Variants in SASH1 observed in about 807,000 individuals in gnomAD.
SASH1 encodes SAM and SH3 domain-containing protein 1.
Under a neutral mutation model 125.2 loss-of-function variants are expected in SASH1, and 44 were observed. The ratio of observed to expected loss-of-function variants is 0.35; its 90% CI spans 0.28 to 0.45. SASH1 has a LOEUF of 0.45. Ranked by LOEUF, SASH1 falls within the 20% of genes least tolerant of loss-of-function variation. The pLI is 1.00. For synonymous variants in SASH1, 639 were observed against 649.1 expected (o/e 0.98, Z 0.24); for missense variants, 1,426 against 1,614.5 (o/e 0.88, Z 2.00).
chr6:148,499,261 C>T (rs866557856), intron 8 of SASH1, among the ~76,000 whole-genome samples: 7 of 151,922 alleles, frequency 4.6e-5, no homozygotes, highest in East Asian at 1.9e-4. Flanking sequence ...TTCTCTATGC[C>T]GTTCATCTCC....
At chr6:148,478,556 T>A (rs1778471057) in intron 7 of SASH1, 1 of 152,130 alleles carries the variant, frequency 6.6e-6, no homozygotes, top group Non-Finnish European at 1.5e-5. Context: ...TGAGGGGAAG[T>A]ATGGATGGTT....
chr6:148,341,436 G>C (rs909638819), upstream of SASH1, among the ~76,000 whole-genome samples: 7 of 148,502 alleles, frequency 4.7e-5, no homozygotes, highest in Admixed American at 1.4e-4. Context: ...GCCTCCCAAA[G>C]TGCTGGGATT....
At chr6:148,211,540 C>T in the SASH1 span, among the ~76,000 whole-genome samples, 2 of 151,106 alleles carry the variant, frequency 1.3e-5, no homozygotes, top group African/African-American at 4.9e-5. Flanking sequence ...CACTGCACTC[C>T]AGCCTGGGCT....
intron 17 of SASH1, among the ~76,000 whole-genome samples, chr6:148,542,943 G>A (rs970678296): frequency 6.6e-6 from 1 of 152,018 alleles, no homozygotes. Flanking sequence ...CCCATGAATT[G>A]TAAGTTCTTG....
intron 9 of SASH1, among the ~76,000 whole-genome samples, chr6:148,516,156 CT>C (rs1467688599): frequency 4.6e-5 from 7 of 152,224 alleles, no homozygotes; most frequent in Non-Finnish European, 1.0e-4. Context: ...TGGCTCTGAA[CT>C]TTAATTTATC....
chr6:148,359,803 G>A (rs941312166), intron 1 of SASH1, among the ~76,000 whole-genome samples: 1 of 152,018 alleles, frequency 6.6e-6, no homozygotes, highest in African/African-American at 2.4e-5. Flanking sequence ...CTGTTGCCAG[G>A]GCTGGAGTAC....
chr6:148,494,120 G>A (rs937084268), intron 8 of SASH1, among the ~76,000 whole-genome samples: 1 of 152,096 alleles, frequency 6.6e-6, no homozygotes, highest in African/African-American at 2.4e-5. Flanking sequence ...GAAAGCTGGT[G>A]GGTAAGAGTT....
chr6:148,511,364 C>T (rs9498054), intron 8 of SASH1, among the ~76,000 whole-genome samples: 2,001 of 150,242 alleles, frequency 0.013, 43 homozygotes, highest in African/African-American at 0.047. Context: ...CACACACACA[C>T]ACACACACAC....
chr6:148,507,562 GT>G (rs560349107), intron 8 of SASH1, among the ~76,000 whole-genome samples: 2 of 152,224 alleles, frequency 1.3e-5, no homozygotes, highest in African/African-American at 4.8e-5. Flanking sequence ...GTAGAGACGG[GT>G]TTTCACCATG....
the SASH1 span, among the ~76,000 whole-genome samples, chr6:148,231,178 T>G: frequency 6.6e-6 from 1 of 152,230 alleles, no homozygotes; most frequent in African/African-American, 2.4e-5. Context: ...AGCGCTCAAC[T>G]TTATTCTTTT....
At chr6:148,478,571 G>T (rs1420916706) in intron 7 of SASH1, 1 of 152,158 alleles carries the variant, frequency 6.6e-6, no homozygotes, top group Non-Finnish European at 1.5e-5. Flanking sequence ...ATGGTTAATG[G>T]GTACGAAAGT....
At chr6:148,447,679 CTCT>C (rs57095236) in intron 4 of SASH1, among the ~76,000 whole-genome samples, 24,784 of 134,402 alleles carry the variant, frequency 0.18, 2,290 homozygotes, top group East Asian at 0.37. Context: ...GTTCTTCCTC[CTCT>C]TCTTCTTCCT....
chr6:148,520,094 C>G (rs1369961108), intron 10 of SASH1: 2 of 567,392 alleles, frequency 3.5e-6, no homozygotes, highest in Non-Finnish European at 6.3e-6. Flanking sequence ...TGCAGCTGCT[C>G]CGGCAGAAAG....
At chr6:148,390,294 G>C in intron 2 of SASH1, 32 bp downstream of exon 2, 1 of 1,600,658 alleles carries the variant, frequency 6.2e-7, no homozygotes, top group Non-Finnish European at 8.5e-7. Context: ...ATGCTTCTGT[G>C]AGCAGAGCTG....
At chr6:148,195,064 C>G in the SASH1 span, among the ~76,000 whole-genome samples, 2 of 152,146 alleles carry the variant, frequency 1.3e-5, no homozygotes, top group Non-Finnish European at 2.9e-5. Flanking sequence ...ATTTTTAGAT[C>G]AATATTCAAA....
intron 7 of SASH1, among the ~76,000 whole-genome samples, chr6:148,484,011 T>TA (rs1297161551): frequency 6.6e-6 from 1 of 152,214 alleles, no homozygotes; most frequent in Non-Finnish European, 1.5e-5. Context: ...TGAGGGTTGT[T>TA]AAAGAGTACA....
Position 148,514,185 on chromosome 6 carries a change from G to C in SASH1, c.730-139G>C, listed in dbSNP as rs996061348. 3 of 1,456,622 alleles carry C rather than the reference G, an allele frequency of 2.1e-6. No homozygotes were observed. The African/African-American group carries it at 4.4e-5, about 21-fold the overall frequency. The allele number at this position is 1,456,622 out of a possible 1,614,324, so 90.2% of individuals were successfully genotyped here. ...GTATGTGGCACTTTGTAAACCTCTT[G>C]GGCAAATTTTTGTTGGTTCCCAAGT... On this transcript the variant is annotated intron_variant, in intron 8 of 19. Coordinates refer to ENST00000367467, the MANE Select transcript of SASH1 (RefSeq NM_015278.5).
intron 2 of SASH1, among the ~76,000 whole-genome samples, chr6:148,407,649 T>C (rs1784429306): frequency 6.6e-6 from 1 of 152,206 alleles, no homozygotes; most frequent in Non-Finnish European, 1.5e-5. Context: ...TGTTTTTGTT[T>C]TGAGATGGAG....
At chr6:148,266,300 T>C in the SASH1 span, among the ~76,000 whole-genome samples, 1 of 152,168 alleles carries the variant, frequency 6.6e-6, no homozygotes. Flanking sequence ...TTTTCCTCTC[T>C]GCCACTTGCT....
Sources: allele counts gnomAD v4.1 joint callset (sites outside exome capture counted in the v4.1 genomes callset), GRCh38; gene constraint gnomAD v4.1.1; transcripts MANE v1.5; gene names NCBI Gene and HGNC (gene_info 2026-07-23, HGNC 2026-07-21).